TCF4: variants seen among roughly 807,000 people sequenced by gnomAD.
The protein encoded by TCF4 is SL3-3 enhancer factor 2.
TCF4 carries 3 observed loss-of-function variants against 82.1 expected under a neutral mutation model. The ratio of observed to expected loss-of-function variants is 0.04; its 90% CI spans 0.02 to 0.09. The LOEUF (loss-of-function observed/expected upper bound fraction) is 0.09. Ranked by LOEUF, TCF4 falls within the 10% of genes least tolerant of loss-of-function variation. The pLI is 1.00. For synonymous variants in TCF4, 276 were observed against 309.6 expected (o/e 0.89, Z 1.14); for missense variants, 518 against 852.7 (o/e 0.61, Z 4.89).
chr18:55,408,817 T>C, intron 5 of TCF4, among the ~76,000 whole-genome samples: 1 of 133,238 alleles, frequency 7.5e-6, no homozygotes, highest in East Asian at 2.6e-4. Flanking sequence ...GTTTAAACTC[T>C]GGGGGAAAAA....
chr18:55,556,269 G>A (rs994911784), intron 3 of TCF4, among the ~76,000 whole-genome samples: 3 of 151,882 alleles, frequency 2.0e-5, no homozygotes, highest in African/African-American at 7.3e-5. Context: ...CCCTGCTCAA[G>A]AGCAATAGTG....
intron 15 of TCF4, among the ~76,000 whole-genome samples, chr18:55,240,727 C>A (rs1388242544): frequency 6.6e-6 from 1 of 152,206 alleles, no homozygotes; most frequent in Non-Finnish European, 1.5e-5. Flanking sequence ...GACACTCCAA[C>A]CACAAACATA....
chr18:55,447,857 C>G (rs1350447108), intron 5 of TCF4, among the ~76,000 whole-genome samples: 1 of 152,142 alleles, frequency 6.6e-6, no homozygotes, highest in South Asian at 2.1e-4. Flanking sequence ...GCTTATGATA[C>G]AACCAAAGCC....
chr18:55,542,332 A>T (rs638660), intron 3 of TCF4, among the ~76,000 whole-genome samples: 1 of 152,108 alleles, frequency 6.6e-6, no homozygotes, highest in East Asian at 1.9e-4. Flanking sequence ...TGACTCATTT[A>T]AACACAGATC....
intron 8 of TCF4, among the ~76,000 whole-genome samples, chr18:55,337,422 C>T (rs537877275): frequency 5.9e-5 from 9 of 152,176 alleles, no homozygotes; most frequent in Admixed American, 6.5e-5. Flanking sequence ...GATGGCAACT[C>T]GCTCTTTTTG....
intron 3 of TCF4, among the ~76,000 whole-genome samples, chr18:55,571,386 C>T: frequency 6.6e-6 from 1 of 152,154 alleles, no homozygotes; most frequent in East Asian, 1.9e-4. Context: ...CACAATACTA[C>T]TTTAAAAAGG....
At chr18:55,538,845 A>G (rs2097141296) in intron 3 of TCF4, among the ~76,000 whole-genome samples, 1 of 152,182 alleles carries the variant, frequency 6.6e-6, no homozygotes, top group African/African-American at 2.4e-5. Context: ...GAAAGAAGGA[A>G]GGTTCGGTAT....
chr18:55,568,111 A>G lies in TCF4; in HGVS notation c.145+17169T>C, dbSNP rs557826385. Among the ~76,000 whole-genome samples, 5 of 151,860 alleles carry G rather than the reference A, an allele frequency of 3.3e-5. No individual in the cohort carries two copies. In the South Asian group the frequency reaches 6.2e-4, roughly 19 times the overall value. On this transcript the variant is annotated intron_variant, in intron 3 of 19. Coordinates refer to ENST00000354452, the MANE Select transcript of TCF4 (RefSeq NM_001083962.2). The stretch of plus-strand genomic sequence containing the variant: ...GGGTATTATATTGCCTTAAATTCTT[A>G]TATTATAAAAAGAAATTATGATAAA...
intron 2 of TCF4, among the ~76,000 whole-genome samples, chr18:55,597,163 T>G (rs747759909): frequency 2.0e-5 from 3 of 152,190 alleles, no homozygotes; most frequent in Non-Finnish European, 4.4e-5. Flanking sequence ...CCTGTGGAAC[T>G]GTGAGTCAAT....
intron 3 of TCF4, among the ~76,000 whole-genome samples, chr18:55,470,883 C>T: frequency 6.6e-6 from 1 of 152,104 alleles, no homozygotes; most frequent in Non-Finnish European, 1.5e-5. Context: ...CATTCTGAAA[C>T]ACAATGAAGT....
chr18:55,325,043 C>T (rs2076320506), intron 8 of TCF4, among the ~76,000 whole-genome samples: 1 of 152,122 alleles, frequency 6.6e-6, no homozygotes, highest in African/African-American at 2.4e-5. Flanking sequence ...AAATATTTGA[C>T]CTAAAACCCC....
chr18:55,234,831 T>A, intron 15 of TCF4, 148 bp from the exon 16 acceptor site: 1 of 1,084,846 alleles, frequency 9.2e-7, no homozygotes. Flanking sequence ...GGACCGCACA[T>A]GCACCTATAG....
At chr18:55,333,135 C>CT (rs35292381) in intron 8 of TCF4, among the ~76,000 whole-genome samples, 4 of 152,018 alleles carry the variant, frequency 2.6e-5, no homozygotes, top group Admixed American at 1.3e-4. Flanking sequence ...ATGTTTTAAC[C>CT]TTTTTTTCTT....
rs865875378 is a variant in TCF4, at chr18:55,307,429, C to A, written c.550-27773G>T. 5.3e-5 allele frequency among the ~76,000 whole-genome samples: 8 copies of A among 152,336 alleles called. No homozygotes were observed. In the South Asian group the frequency reaches 6.2e-4, roughly 12 times the overall value. On this transcript the variant is annotated intron_variant, in intron 8 of 19. Coordinates refer to ENST00000354452, the MANE Select transcript of TCF4 (RefSeq NM_001083962.2). ...ATGAAGAGCATTGGCTGTTGTATCA[C>A]TGAAAGCCATAAGGGTCAAATACTC...
chr18:55,279,621 A>G lies in TCF4; in HGVS notation c.585T>C (p.Asn195=), dbSNP rs767921916. Residue 195 remains asparagine, a synonymous_variant, in exon 9 of 20, where the codon AAT becomes AAC. Transcript: ENST00000354452. ...AGGAAGGATAGCCTGGCGAGTCCCTATTGTAGTCGGCAGTGCTTGCTGATG... is the reference window on the plus strand; with the variant it reads ...AGGAAGGATAGCCTGGCGAGTCCCTGTTGTAGTCGGCAGTGCTTGCTGATG... ...YAPSASTADY[N]RDSPGYPSSK... The G allele has an allele frequency of 6.2e-6, 10 of 1,613,902 alleles. No homozygotes were observed. The highest frequency in any genetic ancestry group is 7.6e-6 in the Non-Finnish European group (9 of 1,179,918).
At chr18:55,437,779 C>G (rs1378739607) in intron 5 of TCF4, among the ~76,000 whole-genome samples, 1 of 152,176 alleles carries the variant, frequency 6.6e-6, no homozygotes, top group Non-Finnish European at 1.5e-5. Context: ...TGAAGAACTG[C>G]AAAGTGCAAT....
At chr18:55,620,818 TC>T (rs1396427804) in intron 2 of TCF4, among the ~76,000 whole-genome samples, 1 of 151,722 alleles carries the variant, frequency 6.6e-6, no homozygotes, top group Non-Finnish European at 1.5e-5. Flanking sequence ...TTTTTTTGGT[TC>T]TTGCAGGTGG....
At chr18:55,516,452 A>G (rs2096882678) in intron 3 of TCF4, among the ~76,000 whole-genome samples, 3 of 152,058 alleles carry the variant, frequency 2.0e-5, no homozygotes. Context: ...GAACCCAACC[A>G]GAAGACTGAG....
At chr18:55,571,184 C>A (rs967768035) in intron 3 of TCF4, among the ~76,000 whole-genome samples, 3 of 152,136 alleles carry the variant, frequency 2.0e-5, no homozygotes, top group Non-Finnish European at 2.9e-5. Flanking sequence ...GGTTCATCAA[C>A]TGGAACATGC....
Sources: allele counts gnomAD v4.1 joint callset (sites outside exome capture counted in the v4.1 genomes callset), GRCh38; gene constraint gnomAD v4.1.1; transcripts MANE v1.5; gene names NCBI Gene and HGNC (gene_info 2026-07-23, HGNC 2026-07-21).